CEP128: variants seen among roughly 807,000 people sequenced by gnomAD.
The protein encoded by CEP128 is centrosomal protein 128, also known as centrosomal protein 128kDa.
A neutral mutation model predicts 156.7 loss-of-function variants in CEP128; 132 were observed. That is an observed-to-expected ratio of 0.84 (90% CI 0.73 to 0.97). The LOEUF is 0.97. Ranked by LOEUF, CEP128 falls within the 50% of genes least tolerant of loss-of-function variation. The pLI, the probability that CEP128 is intolerant of heterozygous loss-of-function variation, is 0.00. For missense variants in CEP128, 1,252 were observed against 1,281.9 expected, an observed-to-expected ratio of 0.98 and a Z score of 0.36; for synonymous variants, 469 against 448.9, an observed-to-expected ratio of 1.04 and a Z score of -0.57.
intron 2 of CEP128, chr14:80,955,899 T>C: frequency 6.2e-7 from 1 of 1,612,966 alleles, no homozygotes; most frequent in South Asian, 1.1e-5. Context: ...CAAGGGCATC[T>C]GCAGAGGTGG....
chr14:80,509,842 T>C (rs1051852095), intron 23 of CEP128, among the ~76,000 whole-genome samples: 5 of 152,212 alleles, frequency 3.3e-5, no homozygotes, highest in Non-Finnish European at 7.4e-5. Flanking sequence ...TTTCTGCATA[T>C]GAATATCCAG....
At chr14:80,792,355 A>T (rs532367342) in intron 14 of CEP128, among the ~76,000 whole-genome samples, 3 of 152,184 alleles carry the variant, frequency 2.0e-5, no homozygotes, top group Non-Finnish European at 4.4e-5. Context: ...CTTTCTAACC[A>T]ATACCTAGTT....
intron 19 of CEP128, among the ~76,000 whole-genome samples, chr14:80,613,608 C>G (rs937464251): frequency 6.6e-6 from 1 of 152,004 alleles, no homozygotes; most frequent in South Asian, 2.1e-4. Context: ...CGCGCCTGGC[C>G]GGAGAACATT....
At chr14:80,524,609 G>A (rs1179871899) in intron 23 of CEP128, among the ~76,000 whole-genome samples, 1 of 151,998 alleles carries the variant, frequency 6.6e-6, no homozygotes, top group Non-Finnish European at 1.5e-5. Context: ...ACGACCATTG[G>A]TATCTACAAT....
chr14:80,800,996 G>C (rs531964321), intron 13 of CEP128, among the ~76,000 whole-genome samples: 12 of 152,306 alleles, frequency 7.9e-5, no homozygotes, highest in African/African-American at 2.9e-4. Context: ...TTATGGAAAG[G>C]AAACGAACAT....
intron 19 of CEP128, among the ~76,000 whole-genome samples, chr14:80,684,808 A>C (rs962591762): frequency 3.3e-5 from 5 of 152,172 alleles, no homozygotes; most frequent in African/African-American, 1.2e-4. Context: ...TATGTAAATC[A>C]GTAAATGTTA....
intron 23 of CEP128, among the ~76,000 whole-genome samples, chr14:80,520,851 C>T (rs899986503): frequency 4.6e-5 from 7 of 152,020 alleles, no homozygotes; most frequent in Non-Finnish European, 8.8e-5. Flanking sequence ...GAGATGGAGT[C>T]TCGCTCTGTC....
At position 80,792,811 on chromosome 14, in the gene CEP128, C is replaced by T. The variant is rs115805274; in HGVS notation, c.1509G>A (p.Ala503=). 3.9e-5 allele frequency: 63 copies of T among 1,614,170 alleles called. No individual in the cohort carries two copies. Among genetic ancestry groups the T allele is most frequent in the African/African-American group, 1.7e-4 (13 of 75,046 alleles). The change falls in exon 14 of 25, where the codon GCG becomes GCA. Residue 503 remains alanine (A), a synonymous_variant. Coordinates refer to ENST00000555265, the MANE Select transcript of CEP128 (RefSeq NM_152446.5). ...CAACAGTTTCAGATTGTTTCTCCAA[C>T]GCTCGTTCTAACTTCTTATGCTTAA... ...WKLKHKKLER[A]LEKQSETVDE...
At chr14:80,834,118 T>C (rs746841449) in intron 12 of CEP128, among the ~76,000 whole-genome samples, 2 of 152,198 alleles carry the variant, frequency 1.3e-5, no homozygotes, top group Non-Finnish European at 2.9e-5. Context: ...TAGGTGATAA[T>C]TTTTAATCAA....
At chr14:80,549,929 G>T (rs1326151979) in intron 21 of CEP128, among the ~76,000 whole-genome samples, 11 of 152,186 alleles carry the variant, frequency 7.2e-5, no homozygotes, top group Non-Finnish European at 1.5e-5. Flanking sequence ...AAGTGTCTAT[G>T]ACATTACTTA....
rs1052362182 is a variant in CEP128 at position 80,914,452 on chromosome 14, T to A, written c.148-44A>T. 6 of 1,446,328 alleles carry A rather than the reference T, an allele frequency of 4.1e-6. No individual in the cohort carries two copies. In the African/African-American group the frequency reaches 4.2e-5, roughly 10 times the overall value. The allele number at this position is 1,446,328 out of a possible 1,614,324, so 89.6% of individuals were successfully genotyped here. ...CTGAATTAATTATTCCAAATACTTTTTTTTCCTAATCAATCTTAGTAGTAT... is the reference window on the plus strand; with the variant it reads ...CTGAATTAATTATTCCAAATACTTTATTTTCCTAATCAATCTTAGTAGTAT... On this transcript the variant is annotated intron_variant, in intron 3 of 24. Coordinates refer to ENST00000555265, the MANE Select transcript of CEP128 (RefSeq NM_152446.5).
At chr14:80,945,952 G>A (rs1175036048), upstream of CEP128, among the ~76,000 whole-genome samples, 3 of 152,186 alleles carry the variant, frequency 2.0e-5, no homozygotes, top group Admixed American at 6.5e-5. Flanking sequence ...GCAACTAGAG[G>A]TGGTTAAATG....
chr14:80,803,706 C>T (rs893027904), intron 13 of CEP128, among the ~76,000 whole-genome samples: 1 of 151,996 alleles, frequency 6.6e-6, no homozygotes, highest in African/African-American at 2.4e-5. Flanking sequence ...TGTAAGACTG[C>T]AAATTAATTT....
intron 19 of CEP128, among the ~76,000 whole-genome samples, chr14:80,725,736 C>G (rs570328281): frequency 5.3e-5 from 8 of 151,908 alleles, no homozygotes; most frequent in Non-Finnish European, 1.2e-4. Flanking sequence ...AAATCTCCCT[C>G]CGGAAGAAGT....
At chr14:80,758,647 T>C (rs543467820) in intron 17 of CEP128, among the ~76,000 whole-genome samples, 26 of 152,226 alleles carry the variant, frequency 1.7e-4, no homozygotes, top group South Asian at 1.5e-3. Flanking sequence ...CAAGGCCTAT[T>C]ATGAAAAAAG....
At chr14:80,693,633 C>T (rs1896791817) in intron 19 of CEP128, among the ~76,000 whole-genome samples, 1 of 151,844 alleles carries the variant, frequency 6.6e-6, no homozygotes, top group Non-Finnish European at 1.5e-5. Flanking sequence ...AAAAAGAGAA[C>T]AAAGAAGTTT....
chr14:80,669,123 A>G (rs934484459), intron 19 of CEP128, among the ~76,000 whole-genome samples: 1 of 152,202 alleles, frequency 6.6e-6, no homozygotes, highest in African/African-American at 2.4e-5. Flanking sequence ...AACGGTATGG[A>G]GATTTCTCAA....
intron 2 of CEP128, chr14:80,956,000 G>A (rs1886657208): frequency 3.2e-6 from 3 of 943,948 alleles, no homozygotes; most frequent in Admixed American, 4.0e-5. Flanking sequence ...GTAGATGTGT[G>A]TGTGTGCTAA....
chr14:80,620,473 C>T (rs1893431980), intron 19 of CEP128, among the ~76,000 whole-genome samples: 1 of 151,882 alleles, frequency 6.6e-6, no homozygotes, highest in Non-Finnish European at 1.5e-5. Flanking sequence ...GCAAAAAGAT[C>T]TTAGGGAAAA....
Sources: allele counts gnomAD v4.1 joint callset (sites outside exome capture counted in the v4.1 genomes callset), GRCh38; gene constraint gnomAD v4.1.1; transcripts MANE v1.5; gene names NCBI Gene and HGNC (gene_info 2026-07-23, HGNC 2026-07-21).